AGBL1: variants seen among roughly 807,000 people sequenced by gnomAD.
The protein encoded by AGBL1 is cytosolic carboxypeptidase 4.
In AGBL1, 130 loss-of-function variants were observed where a neutral mutation model predicts 118.9. The observed-to-expected ratio is 1.09, with a 90% CI of 0.95 to 1.26. The LOEUF is 1.26. AGBL1 is among the 50% of genes most tolerant of loss of function. The pLI is 0.00. For synonymous variants in AGBL1, 555 were observed against 478.9 expected, an observed-to-expected ratio of 1.16 and a Z score of -2.08; for missense variants, 1,584 against 1,298.1, an observed-to-expected ratio of 1.22 and a Z score of -3.38.
chr15:86,857,887 T>C (rs1745025803), intron 22 of AGBL1, among the ~76,000 whole-genome samples: 1 of 152,172 alleles, frequency 6.6e-6, no homozygotes, highest in Non-Finnish European at 1.5e-5. Context: ...TCTTCTGCAT[T>C]CCACAAGCTC....
chr15:86,547,865 G>T (rs2142256725), intron 20 of AGBL1, among the ~76,000 whole-genome samples: 1 of 152,152 alleles, frequency 6.6e-6, no homozygotes, highest in South Asian at 2.1e-4. Context: ...GTGATTCATG[G>T]GCTACTATGA....
chr15:86,493,269 C>A (rs1055651433), intron 18 of AGBL1, among the ~76,000 whole-genome samples: 14 of 151,918 alleles, frequency 9.2e-5, no homozygotes, highest in African/African-American at 3.4e-4. Flanking sequence ...ACGGTGATCA[C>A]GTGTTTTAGA....
chr15:86,376,316 TG>T (rs2081040594), intron 17 of AGBL1, among the ~76,000 whole-genome samples: 1 of 152,240 alleles, frequency 6.6e-6, no homozygotes, highest in South Asian at 2.1e-4. Context: ...ACTGCAAGTT[TG>T]GGAACTTCCC....
chr15:86,586,400 T>G (rs2084248499), intron 21 of AGBL1, among the ~76,000 whole-genome samples: 1 of 152,206 alleles, frequency 6.6e-6, no homozygotes. Context: ...TTGTATTTAC[T>G]ATCAATGTAA....
At chr15:86,465,714 C>A (rs921705469) in intron 18 of AGBL1, among the ~76,000 whole-genome samples, 2 of 152,124 alleles carry the variant, frequency 1.3e-5, no homozygotes, top group Non-Finnish European at 2.9e-5. Flanking sequence ...GAAATTCCAG[C>A]CTGGTGAAAT....
chr15:86,593,519 T>G (rs2084366289), intron 21 of AGBL1, among the ~76,000 whole-genome samples: 1 of 152,174 alleles, frequency 6.6e-6, no homozygotes, highest in South Asian at 2.1e-4. Flanking sequence ...CAGCTGGGAA[T>G]TGAGAAACCT....
chr15:86,705,491 C>T (rs2086434091), intron 22 of AGBL1, among the ~76,000 whole-genome samples: 1 of 152,124 alleles, frequency 6.6e-6, no homozygotes, highest in Non-Finnish European at 1.5e-5. Flanking sequence ...GTAAAGTGTT[C>T]TTGCATGGCA....
At chr15:86,898,656 A>G (rs1182044120) in intron 22 of AGBL1, among the ~76,000 whole-genome samples, 1 of 152,228 alleles carries the variant, frequency 6.6e-6, no homozygotes, top group African/African-American at 2.4e-5. Flanking sequence ...TATATTTGAC[A>G]ATAGTCTAAT....
In AGBL1 at chr15:86,264,364, A is replaced by G. The variant is rs757868110; in HGVS notation, c.1193A>G (p.Lys398Arg). The change falls in exon 11 of 23, where the codon AAG becomes AGG. Residue 398 changes from lysine (K) to arginine (R), a missense_variant. By Grantham distance (26) the Lys-to-Arg change is conservative. Transcript: ENST00000614907. ...AASSKQHCYS[K>R]DQSSCGQERE... Reference sequence around the variant, plus strand: ...TCCTCAAAACAGCATTGCTACAGCAAGGACCAAAGCTCCTGTGGGCAAGAA... The same window carrying G: ...TCCTCAAAACAGCATTGCTACAGCAGGGACCAAAGCTCCTGTGGGCAAGAA... 3.1e-5 allele frequency: 50 copies of G among 1,613,566 alleles called. No individual in the cohort carries two copies. The highest frequency in any genetic ancestry group is 4.1e-5 in the Non-Finnish European group (48 of 1,179,746).
chr15:86,264,374 C>G lies in AGBL1; in HGVS notation c.1203C>G (p.Ser401Arg). Residue 401 changes from serine (S) to arginine (R), a missense_variant, in exon 11 of 23, where the codon AGC becomes AGG. Ser to Arg is a moderately radical substitution (Grantham distance 110, BLOSUM62 -1). Coordinates refer to ENST00000614907, the MANE Select transcript of AGBL1 (RefSeq NM_001386094.1). Reference protein sequence around the residue: ...SKQHCYSKDQSSCGQEREYAV... With the variant: ...SKQHCYSKDQRSCGQEREYAV... ...AGCATTGCTACAGCAAGGACCAAAGCTCCTGTGGGCAAGAAAGAGAATATG... is the reference window on the plus strand; with the variant it reads ...AGCATTGCTACAGCAAGGACCAAAGGTCCTGTGGGCAAGAAAGAGAATATG... The G allele has an allele frequency of 1.2e-6, 2 of 1,613,764 alleles. No homozygotes were observed. Among genetic ancestry groups the G allele is most frequent in the Non-Finnish European group, 1.7e-6 (2 of 1,179,798 alleles).
intron 7 of AGBL1, among the ~76,000 whole-genome samples, chr15:86,250,637 C>G (rs553587045): frequency 8.9e-5 from 13 of 145,434 alleles, no homozygotes; most frequent in African/African-American, 3.0e-4. Flanking sequence ...TGACATTCTC[C>G]TGGTTTTTGG....
intron 17 of AGBL1, among the ~76,000 whole-genome samples, chr15:86,392,111 C>T (rs1420952542): frequency 6.6e-6 from 1 of 152,060 alleles, no homozygotes; most frequent in African/African-American, 2.4e-5. Context: ...CGTAGATTAC[C>T]TCTACTTGCA....
At chr15:86,360,423 A>G (rs2080787388) in intron 17 of AGBL1, among the ~76,000 whole-genome samples, 1 of 150,546 alleles carries the variant, frequency 6.6e-6, no homozygotes. Flanking sequence ...ATGGTGCATG[A>G]TCCCTTTAAT....
chr15:86,373,020 T>A (rs1416670093), intron 17 of AGBL1, among the ~76,000 whole-genome samples: 1 of 152,208 alleles, frequency 6.6e-6, no homozygotes, highest in Non-Finnish European at 1.5e-5. Flanking sequence ...TCTTTCTTTT[T>A]GTTTATAGTT....
At chr15:86,717,162 G>A (rs371128246) in intron 22 of AGBL1, among the ~76,000 whole-genome samples, 2 of 152,196 alleles carry the variant, frequency 1.3e-5, no homozygotes, top group Non-Finnish European at 2.9e-5. Context: ...CAAGGGAAGC[G>A]AAGGGCAGGA....
chr15:86,211,135 A>G (rs1006794438), intron 5 of AGBL1, among the ~76,000 whole-genome samples: 16 of 152,200 alleles, frequency 1.1e-4, no homozygotes, highest in Non-Finnish European at 2.1e-4. Context: ...TTGTCTGGGT[A>G]TCACCAGCGG....
At chr15:86,308,487 G>A (rs1035489100) in intron 17 of AGBL1, among the ~76,000 whole-genome samples, 7 of 152,082 alleles carry the variant, frequency 4.6e-5, no homozygotes, top group South Asian at 2.1e-4. Context: ...CTCCAAAACC[G>A]TTAAAATAAA....
chr15:86,907,685 G>C lies in AGBL1; in HGVS notation c.*391G>C, dbSNP rs1205900025. The C allele has an allele frequency of 6.6e-6, 1 of 152,206 alleles. No homozygotes were observed. The highest frequency in any genetic ancestry group is 2.4e-5 in the African/African-American group (1 of 41,450). 9.4% of individuals were successfully genotyped at this position (152,206 alleles called of 1,614,324 possible). ...CTTGGCTTCTCAGCCAGAATTCTAA[G>C]TGGTTATTTAAGTTGTTCCATATAC... On this transcript the variant is annotated 3_prime_UTR_variant, in exon 23 of 23. Coordinates refer to ENST00000614907, the MANE Select transcript of AGBL1 (RefSeq NM_001386094.1).
intron 22 of AGBL1, among the ~76,000 whole-genome samples, chr15:86,842,188 G>C (rs1411170614): frequency 2.0e-5 from 3 of 151,312 alleles, no homozygotes; most frequent in African/African-American, 7.3e-5. Context: ...CATTCTTCAG[G>C]AAGGGCATGA....
Sources: gnomAD v4.1 joint callset for allele counts (sites outside exome capture counted in the v4.1 genomes callset) on GRCh38, gnomAD v4.1.1 for gene constraint, MANE v1.5 for transcripts, NCBI Gene and HGNC (gene_info 2026-07-23, HGNC 2026-07-21) for gene names.